Variants in TACC2 observed in about 807,000 individuals in gnomAD.
TACC2 encodes transforming acidic coiled-coil containing protein 2, also known as transforming acidic coiled-coil-containing protein 2.
In TACC2, 137 loss-of-function variants were observed where a neutral mutation model predicts 227.3. The ratio of observed to expected loss-of-function variants is 0.60; its 90% CI spans 0.52 to 0.69. The LOEUF is 0.69. Ranked by LOEUF, TACC2 falls within the 30% of genes least tolerant of loss-of-function variation. The pLI, the probability that TACC2 is intolerant of heterozygous loss-of-function variation, is 0.00. For synonymous variants in TACC2, 1,523 were observed against 1,487.5 expected, an observed-to-expected ratio of 1.02 and a Z score of -0.55; for missense variants, 3,470 against 3,694.4, an observed-to-expected ratio of 0.94 and a Z score of 1.57.
intron 1 of TACC2, among the ~76,000 whole-genome samples, chr10:122,014,301 G>T (rs1591046051): frequency 1.3e-5 from 2 of 151,558 alleles, no homozygotes; most frequent in East Asian, 3.9e-4. Context: ...CCTCCGCCTA[G>T]CGAGTTCAAG....
intron 6 of TACC2, among the ~76,000 whole-genome samples, chr10:122,138,258 C>G (rs537347364): frequency 4.3e-4 from 66 of 152,134 alleles, no homozygotes; most frequent in African/African-American, 1.6e-3. Context: ...GCCTGTAATC[C>G]CAGAGCTTGG....
rs1391175535 is a variant in TACC2 at position 122,150,859 on chromosome 10, G to A, written c.5834+7153G>A. ...TTTTGATCCTGCCAGCCAGCCTCTCGGCAGATACATCCCGGTTGATTCTAT... is the reference window on the plus strand; with the variant it reads ...TTTTGATCCTGCCAGCCAGCCTCTCAGCAGATACATCCCGGTTGATTCTAT... On this transcript the variant is annotated intron_variant, in intron 7 of 22. Transcript: ENST00000369005. This position sits in a 1 kb window ranked among gnomAD's most constrained non-coding sequence, Gnocchi z 4.0. 2.6e-5 allele frequency among the ~76,000 whole-genome samples: 4 copies of A among 152,156 alleles called. No homozygotes were observed. Among genetic ancestry groups the A allele is most frequent in the Admixed American group, 6.5e-5 (1 of 15,270 alleles).
chr10:122,102,708 G>A (rs546896138), intron 5 of TACC2, among the ~76,000 whole-genome samples: 2 of 152,182 alleles, frequency 1.3e-5, no homozygotes, highest in Admixed American at 6.6e-5. Context: ...GAGACCAGCC[G>A]TCAGCACTTT....
At chr10:122,035,814 TC>T (rs1960121168) in intron 2 of TACC2, among the ~76,000 whole-genome samples, 1 of 151,990 alleles carries the variant, frequency 6.6e-6, no homozygotes, top group Non-Finnish European at 1.5e-5. Flanking sequence ...CTTTCCTCTT[TC>T]CCTCCTTCCT....
chr10:122,000,496 G>T (rs1954167040), intron 1 of TACC2, among the ~76,000 whole-genome samples: 1 of 152,204 alleles, frequency 6.6e-6, no homozygotes, highest in South Asian at 2.1e-4. Flanking sequence ...GCCCACCACT[G>T]ACAAGCCAGA....
chr10:122,125,290 G>C (rs2086612855), intron 5 of TACC2, among the ~76,000 whole-genome samples: 1 of 151,974 alleles, frequency 6.6e-6, no homozygotes, highest in Non-Finnish European at 1.5e-5. Context: ...TGAACTCCTG[G>C]GCTCAGGTGA....
At chr10:122,120,962 C>T (rs2085657410) in intron 5 of TACC2, among the ~76,000 whole-genome samples, 1 of 152,144 alleles carries the variant, frequency 6.6e-6, no homozygotes, top group Non-Finnish European at 1.5e-5. Flanking sequence ...GAGGGGGTTT[C>T]GCCTTGTTGG....
At chr10:122,080,906 G>T (rs1403146381) in intron 3 of TACC2, among the ~76,000 whole-genome samples, 1 of 152,128 alleles carries the variant, frequency 6.6e-6, no homozygotes, top group Non-Finnish European at 1.5e-5. Context: ...GTTACAAAAA[G>T]ATTCCATAAA....
chr10:122,163,798 C>G, intron 7 of TACC2: 3 of 1,253,374 alleles, frequency 2.4e-6, no homozygotes, highest in South Asian at 3.5e-5. Context: ...CGGATGCCCG[C>G]AGCTGCTCCC....
chr10:122,221,245 A>C (rs1475945779), intron 11 of TACC2, among the ~76,000 whole-genome samples: 1 of 152,238 alleles, frequency 6.6e-6, no homozygotes, highest in Non-Finnish European at 1.5e-5. Flanking sequence ...GTGGTTGCTT[A>C]GTAAATGCCC....
At chr10:122,108,831 T>A (rs10887071) in intron 5 of TACC2, among the ~76,000 whole-genome samples, 47,970 of 151,608 alleles carry the variant, frequency 0.32, 8,815 homozygotes, top group South Asian at 0.43. Context: ...CCTCCCGGGT[T>A]CAAGTGATTC....
intron 7 of TACC2, among the ~76,000 whole-genome samples, chr10:122,174,626 T>A (rs922544765): frequency 6.6e-6 from 1 of 152,174 alleles, no homozygotes; most frequent in African/African-American, 2.4e-5. Flanking sequence ...AAATAAAAAT[T>A]CCATTGTAGA....
chr10:122,227,936 G>A lies in TACC2; in HGVS notation c.7824G>A (p.Gln2608=). The part of the protein sequence containing the change: ...GLAPNQESHL[Q]VPEKSSQKEL... ...CCCCTAACCAAGAGTCACACTTGCA[G>A]GTGCCAGAGAAATCCTCCCAGAAGG... Residue 2608 remains glutamine (Q), a synonymous_variant, in exon 14 of 23, where the codon CAG becomes CAA. Coordinates refer to ENST00000369005, the MANE Select transcript of TACC2 (RefSeq NM_206862.4). 6.2e-7 allele frequency: 1 copy of A among 1,614,250 alleles called. No individual in the cohort carries two copies. Among genetic ancestry groups the A allele is most frequent in the Non-Finnish European group, 8.5e-7 (1 of 1,180,040 alleles).
intron 6 of TACC2, among the ~76,000 whole-genome samples, chr10:122,134,431 G>A (rs564387023): frequency 6.6e-6 from 1 of 152,108 alleles, no homozygotes; most frequent in East Asian, 1.9e-4. Context: ...TGCCTGCCTC[G>A]GCCTCCCAAA....
intron 5 of TACC2, among the ~76,000 whole-genome samples, chr10:122,090,740 T>G (rs553497353): frequency 2.0e-5 from 3 of 152,070 alleles, no homozygotes; most frequent in Admixed American, 2.0e-4. Context: ...AAAAAATTAT[T>G]TATTTATTCA....
chr10:122,071,124 A>G (rs1181604881), intron 3 of TACC2, among the ~76,000 whole-genome samples: 1 of 152,214 alleles, frequency 6.6e-6, no homozygotes, highest in Non-Finnish European at 1.5e-5. Flanking sequence ...TATTCTACCA[A>G]ATCCCTTGAT....
intron 5 of TACC2, among the ~76,000 whole-genome samples, chr10:122,125,989 G>T (rs2086773853): frequency 6.6e-6 from 1 of 151,998 alleles, no homozygotes; most frequent in Admixed American, 6.6e-5. Flanking sequence ...ATGTTGGCCA[G>T]GATGATCTCG....
chr10:122,166,893 A>G (rs1228960263), intron 7 of TACC2, among the ~76,000 whole-genome samples: 1 of 152,242 alleles, frequency 6.6e-6, no homozygotes, highest in East Asian at 1.9e-4. Flanking sequence ...CTCAGTATGG[A>G]TGGTAGGAGA....
At chr10:122,059,063 G>T (rs552633714) in intron 3 of TACC2, among the ~76,000 whole-genome samples, 69,616 of 108,616 alleles carry the variant, frequency 0.64, 20,771 homozygotes, top group East Asian at 0.73. Context: ...TGGCTAATTT[G>T]TTGTTGTTGT....
Sources: gnomAD v4.1 joint callset for allele counts (sites outside exome capture counted in the v4.1 genomes callset) on GRCh38, gnomAD v4.1.1 for gene constraint, Gnocchi (gnomAD v3.1) non-coding constraint, MANE v1.5 for transcripts, NCBI Gene and HGNC (gene_info 2026-07-23, HGNC 2026-07-21) for gene names.